ARHGAP42: variants seen among roughly 807,000 people sequenced by gnomAD.
ARHGAP42 encodes rho GTPase-activating protein 42.
A neutral mutation model predicts 125.0 loss-of-function variants in ARHGAP42; 63 were observed. The observed-to-expected ratio is 0.50, with a 90% confidence interval of 0.41 to 0.62. The LOEUF (loss-of-function observed/expected upper bound fraction) is 0.62. ARHGAP42 is among the 20% of genes least tolerant of loss of function. ARHGAP42 has a pLI of 0.00. For synonymous variants in ARHGAP42, 339 were observed against 351.0 expected, an observed-to-expected ratio of 0.97 and a Z score of 0.38; for missense variants, 766 against 1,024.2, an observed-to-expected ratio of 0.75 and a Z score of 3.44.
intron 1 of ARHGAP42, among the ~76,000 whole-genome samples, chr11:100,694,077 G>A (rs1364360656): frequency 2.0e-5 from 3 of 151,946 alleles, no homozygotes; most frequent in Non-Finnish European, 1.5e-5. Context: ...GATTACAGGC[G>A]TGTGCCACCA....
chr11:100,973,149 A>G (rs761307081), intron 17 of ARHGAP42, 26 bp from the exon 18 acceptor site: 95 of 1,491,166 alleles, frequency 6.4e-5, no homozygotes, highest in Non-Finnish European at 8.2e-5. Flanking sequence ...ATAACTTAAG[A>G]TATTTTTGTT....
chr11:100,708,007 C>T lies in ARHGAP42; in HGVS notation c.154+20175C>T, dbSNP rs551968459. Among the ~76,000 whole-genome samples the T allele has an allele frequency of 4.6e-5, 7 of 152,286 alleles. No homozygotes were observed. The South Asian group carries it at 1.5e-3, about 32-fold the overall frequency. Reference sequence around the variant, plus strand: ...TCCAATCAGATCTATTCAGGAAATACTTATTGACCACCTACTACACTTCAG... The same window carrying T: ...TCCAATCAGATCTATTCAGGAAATATTTATTGACCACCTACTACACTTCAG... On this transcript the variant is annotated intron_variant, in intron 1 of 23. Coordinates refer to ENST00000298815, the MANE Select transcript of ARHGAP42 (RefSeq NM_152432.4).
At chr11:100,969,557 TC>T (rs1858185122) in intron 17 of ARHGAP42, among the ~76,000 whole-genome samples, 1 of 152,146 alleles carries the variant, frequency 6.6e-6, no homozygotes, top group African/African-American at 2.4e-5. Context: ...TTTCTTTCTC[TC>T]CATTCCTCAG....
At chr11:100,901,812 A>G (rs1866559812) in intron 4 of ARHGAP42, among the ~76,000 whole-genome samples, 1 of 152,106 alleles carries the variant, frequency 6.6e-6, no homozygotes, top group Non-Finnish European at 1.5e-5. Flanking sequence ...TTCCAGGTAC[A>G]GTCTGTCACA....
At chr11:100,962,320 A>G (rs76720568) in intron 15 of ARHGAP42, 89 bp from the exon 16 acceptor site, 28,658 of 976,226 alleles carry the variant, frequency 0.029, 578 homozygotes, top group Non-Finnish European at 0.037. Context: ...GATGAATAAC[A>G]GTCACCTAAT....
At chr11:100,779,497 C>CACACACATATACACGTAT (rs1554996438) in intron 2 of ARHGAP42, among the ~76,000 whole-genome samples, 3 of 87,978 alleles carry the variant, frequency 3.4e-5, no homozygotes, top group African/African-American at 9.5e-5. Flanking sequence ...CACACACACA[C>CACACACATATACACGTAT]ATATATACAC....
At chr11:100,877,991 C>T (rs574520055) in intron 4 of ARHGAP42, among the ~76,000 whole-genome samples, 19 of 123,290 alleles carry the variant, frequency 1.5e-4, no homozygotes, top group Non-Finnish European at 2.4e-4. Flanking sequence ...GGTGACGCAG[C>T]GAGACTCTGT....
At chr11:100,809,752 T>G (rs774462371) in intron 3 of ARHGAP42, among the ~76,000 whole-genome samples, 1 of 152,134 alleles carries the variant, frequency 6.6e-6, no homozygotes, top group African/African-American at 2.4e-5. Flanking sequence ...CCCAGAAGTT[T>G]GAGACCAGCC....
At chr11:100,775,626 G>A (rs1319996358) in intron 2 of ARHGAP42, among the ~76,000 whole-genome samples, 1 of 152,174 alleles carries the variant, frequency 6.6e-6, no homozygotes, top group Non-Finnish European at 1.5e-5. Context: ...ACGGCTGGAT[G>A]TCCAAAGATA....
intron 4 of ARHGAP42, among the ~76,000 whole-genome samples, chr11:100,895,686 C>T (rs992044275): frequency 1.3e-5 from 2 of 151,684 alleles, no homozygotes; most frequent in African/African-American, 4.8e-5. Flanking sequence ...TGTTTCTGCC[C>T]AGATTTTCTG....
Position 100,899,669 on chromosome 11 carries a change from C to CTTTT in ARHGAP42, c.385-13781_385-13778dup, listed in dbSNP as rs569714822. 7.8e-5 allele frequency among the ~76,000 whole-genome samples: 10 copies of CTTTT among 128,806 alleles called. No individual in the cohort carries two copies. The East Asian group carries it at 1.9e-3, about 24-fold the overall frequency. The allele number at this position is 128,806 out of a possible 152,430, so 84.5% of individuals were successfully genotyped here. ...TCAGAGACTAGGATTGTAGTCCCTG[C>CTTTT]TTTTTGTTTGTTTGTTTGTTTGTTT... On this transcript the variant is annotated intron_variant, in intron 4 of 23. Coordinates refer to ENST00000298815, the MANE Select transcript of ARHGAP42 (RefSeq NM_152432.4).
chr11:100,717,423 G>A (rs1231229276), intron 1 of ARHGAP42, among the ~76,000 whole-genome samples: 2 of 151,838 alleles, frequency 1.3e-5, no homozygotes, highest in African/African-American at 2.4e-5. Flanking sequence ...GGATCACAAG[G>A]TCAGGAGATT....
At chr11:100,853,915 A>G (rs1208572831) in intron 3 of ARHGAP42, among the ~76,000 whole-genome samples, 1 of 66,322 alleles carries the variant, frequency 1.5e-5, no homozygotes, top group Non-Finnish European at 4.1e-5. Context: ...TAATTCATTG[A>G]AAAAAAAAAA....
intron 4 of ARHGAP42, among the ~76,000 whole-genome samples, chr11:100,861,801 G>T (rs1169146785): frequency 3.3e-5 from 5 of 152,210 alleles, no homozygotes; most frequent in Admixed American, 2.0e-4. Context: ...GTGATGTTGA[G>T]TTAGCAGGTG....
At chr11:100,980,383 T>G (rs1858502013) in intron 22 of ARHGAP42, among the ~76,000 whole-genome samples, 1 of 151,936 alleles carries the variant, frequency 6.6e-6, no homozygotes, top group African/African-American at 2.4e-5. Flanking sequence ...AGCCCTTTTA[T>G]TAGGAAGCTC....
chr11:100,829,360 C>CA (rs201534837), intron 3 of ARHGAP42, among the ~76,000 whole-genome samples: 2,466 of 124,512 alleles, frequency 0.02, 43 homozygotes, highest in African/African-American at 0.054. Context: ...ACCCTGTCTT[C>CA]AAAAAAAAAA....
chr11:100,888,013 G>C (rs1211892198), intron 4 of ARHGAP42, among the ~76,000 whole-genome samples: 2 of 152,176 alleles, frequency 1.3e-5, no homozygotes, highest in African/African-American at 4.8e-5. Context: ...TTCTAAGAAT[G>C]CTCTTTGTTA....
intron 3 of ARHGAP42, among the ~76,000 whole-genome samples, chr11:100,847,219 GGTTCA>G (rs1198180299): frequency 6.6e-6 from 1 of 152,050 alleles, no homozygotes; most frequent in African/African-American, 2.4e-5. Context: ...ATGGGCTGAG[GGTTCA>G]GATGTTCCAC....
In ARHGAP42 at chr11:100,827,350, T is replaced by C. The variant is rs531785521; in HGVS notation, c.312+32184T>C. On this transcript the variant is annotated intron_variant, in intron 3 of 23. Transcript: ENST00000298815. ...GTGATGGGACCTTCAATGGAATCAC[T>C]TGGAAAACACCATGTGATTTTCCCC... Among the ~76,000 whole-genome samples the C allele has an allele frequency of 2.0e-5, 3 of 152,310 alleles. No individual in the cohort carries two copies. The South Asian group carries it at 6.2e-4, about 32-fold the overall frequency.
Sources: gnomAD v4.1 joint callset for allele counts (sites outside exome capture counted in the v4.1 genomes callset) on GRCh38, gnomAD v4.1.1 for gene constraint, MANE v1.5 for transcripts, NCBI Gene and HGNC (gene_info 2026-07-23, HGNC 2026-07-21) for gene names.